MACROD2: variants seen among roughly 807,000 people sequenced by gnomAD.
MACROD2 encodes the protein ADP-ribose glycohydrolase MACROD2.
In MACROD2, 36 loss-of-function variants were observed where a neutral mutation model predicts 70.4. The observed-to-expected ratio is 0.51, with a 90% CI of 0.39 to 0.68. The LOEUF (loss-of-function observed/expected upper bound fraction) is 0.68. MACROD2 is among the 30% of genes least tolerant of loss of function. MACROD2 has a pLI of 0.00. For synonymous variants in MACROD2, 172 were observed against 178.8 expected (o/e 0.96, Z 0.30); for missense variants, 496 against 538.4 (o/e 0.92, Z 0.78).
intron 8 of MACROD2, among the ~76,000 whole-genome samples, chr20:15,557,064 A>G (rs2048177937): frequency 6.6e-6 from 1 of 152,210 alleles, no homozygotes; most frequent in African/African-American, 2.4e-5. Context: ...AATCATAATT[A>G]AAGAGGAATT....
intron 8 of MACROD2, among the ~76,000 whole-genome samples, chr20:15,583,322 T>C (rs1261194213): frequency 6.6e-6 from 1 of 152,208 alleles, no homozygotes; most frequent in Admixed American, 6.5e-5. Context: ...GGAGAAAGTA[T>C]AGGGAACACA....
intron 2 of MACROD2, among the ~76,000 whole-genome samples, chr20:14,061,201 ATCT>A (rs2053686955): frequency 6.6e-6 from 1 of 152,164 alleles, no homozygotes; most frequent in Non-Finnish European, 1.5e-5. Context: ...TATTGATTAC[ATCT>A]TCTATTAATA....
chr20:15,780,224 A>T (rs1203169570), intron 8 of MACROD2, among the ~76,000 whole-genome samples: 3 of 152,172 alleles, frequency 2.0e-5, no homozygotes, highest in Admixed American at 6.5e-5. Context: ...AACAAACAGA[A>T]AAATAAATAT....
At chr20:14,248,996 C>T (rs1037715404) in intron 3 of MACROD2, among the ~76,000 whole-genome samples, 10 of 151,990 alleles carry the variant, frequency 6.6e-5, no homozygotes, top group African/African-American at 2.4e-4. Context: ...TTTTAAATTC[C>T]AATTCTTACT....
At chr20:15,657,967 T>C (rs1378320152) in intron 8 of MACROD2, among the ~76,000 whole-genome samples, 1 of 152,212 alleles carries the variant, frequency 6.6e-6, no homozygotes. Context: ...CACTCCAGCC[T>C]GGGCAACAAG....
intron 16 of MACROD2, among the ~76,000 whole-genome samples, chr20:16,043,253 C>T (rs1173089267): frequency 1.3e-5 from 2 of 152,006 alleles, no homozygotes; most frequent in Non-Finnish European, 2.9e-5. Flanking sequence ...TTAGGGAATA[C>T]ATTTGGCCTT....
chr20:15,230,167 AC>A (rs151121374), intron 6 of MACROD2, 106 bp downstream of exon 6: 25,054 of 1,132,566 alleles, frequency 0.022, 370 homozygotes, highest in South Asian at 0.03. Flanking sequence ...ACTTTTGAGA[AC>A]TAAGTTTAAG....
intron 3 of MACROD2, among the ~76,000 whole-genome samples, chr20:14,359,954 G>A (rs2083206437): frequency 6.6e-6 from 1 of 152,092 alleles, no homozygotes; most frequent in Non-Finnish European, 1.5e-5. Context: ...ATTTGCAACA[G>A]CATGGATTAA....
chr20:14,654,179 ATATT>A (rs1270160762), intron 4 of MACROD2, among the ~76,000 whole-genome samples: 1 of 152,096 alleles, frequency 6.6e-6, no homozygotes, highest in Non-Finnish European at 1.5e-5. Flanking sequence ...CAAAAGTGCT[ATATT>A]TTTGTAAACC....
intron 5 of MACROD2, among the ~76,000 whole-genome samples, chr20:15,017,357 G>A (rs2075129649): frequency 6.6e-6 from 1 of 152,222 alleles, no homozygotes; most frequent in Admixed American, 6.5e-5. Flanking sequence ...GCTGATGCAA[G>A]AGGTGGGTTC....
chr20:15,206,723 T>TTTTTTTTTTTTTG lies in MACROD2; in HGVS notation c.419-23205_419-23204insGTTTTTTTTTTTT, dbSNP rs2076708317. 5.8e-4 allele frequency among the ~76,000 whole-genome samples: 10 copies of TTTTTTTTTTTTTG among 17,246 alleles called. 1 individual carries two copies. The highest frequency in any genetic ancestry group is 1.5e-3 in the Admixed American group (2 of 1,330). The allele number at this position is 17,246 out of a possible 152,430, so 11.3% of individuals were successfully genotyped here. ...ATGAAGTCTTTCATATTATCTATGT[T>TTTTTTTTTTTTTG]TTTTTTTTTTTTTTTTTTTTTTTTG... On this transcript the variant is annotated intron_variant, in intron 5 of 17. Transcript: ENST00000684519.
intron 5 of MACROD2, chr20:15,021,462 A>T (rs984731197): frequency 6.6e-6 from 1 of 150,456 alleles, no homozygotes; most frequent in African/African-American, 2.4e-5. Context: ...ATGTATATAC[A>T]TATATAGGAG....
At chr20:15,644,083 A>C (rs6034242) in intron 8 of MACROD2, among the ~76,000 whole-genome samples, 13,481 of 152,238 alleles carry the variant, frequency 0.089, 865 homozygotes, top group East Asian at 0.16. Context: ...AACTCAGGGC[A>C]GGAATGTGCT....
At chr20:14,964,698 G>C (rs971448541) in intron 5 of MACROD2, among the ~76,000 whole-genome samples, 7 of 152,182 alleles carry the variant, frequency 4.6e-5, no homozygotes, top group Non-Finnish European at 1.0e-4. Context: ...AATGGAAATA[G>C]TAGCTAGATT....
At chr20:14,869,417 G>A (rs527948443) in intron 5 of MACROD2, among the ~76,000 whole-genome samples, 68 of 152,080 alleles carry the variant, frequency 4.5e-4, no homozygotes, top group Admixed American at 1.1e-3. Flanking sequence ...AAGGAAAGCC[G>A]TCATTAGCTT....
intron 5 of MACROD2, among the ~76,000 whole-genome samples, chr20:14,909,442 T>C (rs1600807442): frequency 6.6e-6 from 1 of 152,086 alleles, no homozygotes; most frequent in African/African-American, 2.4e-5. Context: ...GGGTAAATTA[T>C]TACCTGGATT....
chr20:14,475,154 G>A (rs547202940), intron 3 of MACROD2, among the ~76,000 whole-genome samples: 1 of 151,700 alleles, frequency 6.6e-6, no homozygotes, highest in East Asian at 1.9e-4. Flanking sequence ...TTACCGTGAG[G>A]CTTGCATAAA....
intron 4 of MACROD2, among the ~76,000 whole-genome samples, chr20:14,675,877 A>T (rs1448297823): frequency 6.7e-6 from 1 of 150,306 alleles, no homozygotes; most frequent in Admixed American, 6.6e-5. Context: ...ATGGAAAGCC[A>T]AAAAAAAGCA....
At chr20:14,689,593 G>A (rs2071039494) in intron 5 of MACROD2, among the ~76,000 whole-genome samples, 1 of 152,162 alleles carries the variant, frequency 6.6e-6, no homozygotes. Context: ...TCACAATGGT[G>A]TGTCTATGCA....
Sources: allele counts gnomAD v4.1 joint callset (sites outside exome capture counted in the v4.1 genomes callset), GRCh38; gene constraint gnomAD v4.1.1; transcripts MANE v1.5; gene names NCBI Gene and HGNC (gene_info 2026-07-23, HGNC 2026-07-21).